OXCT1: variants seen among roughly 807,000 people sequenced by gnomAD.
OXCT1 encodes succinyl-CoA:3-ketoacid coenzyme A transferase 1, mitochondrial.
OXCT1 carries 27 observed loss-of-function variants against 69.6 expected under a neutral mutation model. The observed-to-expected ratio is 0.39, with a 90% CI of 0.29 to 0.54. OXCT1 has a LOEUF of 0.54. OXCT1 is among the 20% of genes least tolerant of loss of function. The probability of loss-of-function intolerance (pLI) is 0.72; values close to 1 mark genes in which losing one functional copy is unlikely to be tolerated. For missense variants in OXCT1, 437 were observed against 650.2 expected (o/e 0.67, Z 3.57); for synonymous variants, 202 against 217.8 (o/e 0.93, Z 0.64).
chr5:41,789,479 C>T (rs1296668205), intron 13 of OXCT1, among the ~76,000 whole-genome samples: 2 of 152,084 alleles, frequency 1.3e-5, no homozygotes, highest in Non-Finnish European at 2.9e-5. Flanking sequence ...AATGAATTAG[C>T]GAATTTAATC....
At chr5:41,734,695 G>A (rs921444376) in intron 16 of OXCT1, among the ~76,000 whole-genome samples, 1 of 152,170 alleles carries the variant, frequency 6.6e-6, no homozygotes, top group Non-Finnish European at 1.5e-5. Flanking sequence ...CCTTAGTTGT[G>A]AAAATGTTGG....
intron 7 of OXCT1, among the ~76,000 whole-genome samples, chr5:41,816,964 T>A (rs1304467707): frequency 1.3e-5 from 2 of 152,164 alleles, no homozygotes; most frequent in African/African-American, 4.8e-5. Context: ...TGAATCTCAT[T>A]ATTTATAGTT....
chr5:41,855,167 T>C (rs549425836), intron 3 of OXCT1, among the ~76,000 whole-genome samples: 1 of 152,318 alleles, frequency 6.6e-6, no homozygotes, highest in South Asian at 2.1e-4. Flanking sequence ...GACACAAGAT[T>C]ATACTCTGAA....
chr5:41,806,208 C>A (rs1746672086), intron 8 of OXCT1, among the ~76,000 whole-genome samples: 2 of 152,062 alleles, frequency 1.3e-5, no homozygotes, highest in Non-Finnish European at 1.5e-5. Flanking sequence ...CTCTTTGACA[C>A]AAACTCTGGC....
At chr5:41,843,624 C>G (rs903080180) in intron 5 of OXCT1, 2 of 455,930 alleles carry the variant, frequency 4.4e-6, no homozygotes, top group African/African-American at 4.0e-5. Flanking sequence ...TTAAAACAAG[C>G]ATCCATTGCC....
intron 7 of OXCT1, among the ~76,000 whole-genome samples, chr5:41,836,398 G>A (rs532672955): frequency 2.8e-4 from 42 of 152,252 alleles, no homozygotes; most frequent in African/African-American, 1.0e-3. Flanking sequence ...CATGCAAATG[G>A]CTGCACATTT....
rs1283253967 is a variant in OXCT1 at position 41,832,218 on chromosome 5, C to G, written c.732+8233G>C. On this transcript the variant is annotated intron_variant, in intron 7 of 16. Coordinates refer to ENST00000196371, the MANE Select transcript of OXCT1 (RefSeq NM_000436.4). ...AGTCAGGTAGTAGTTAACAGCAGGC[C>G]TTGGGCAAAACCCAGTGCTGTGCTG... Among the ~76,000 whole-genome samples the G allele has an allele frequency of 2.0e-5, 3 of 152,288 alleles. No homozygotes were observed. In the East Asian group the frequency reaches 5.8e-4, roughly 29 times the overall value.
intron 13 of OXCT1, among the ~76,000 whole-genome samples, chr5:41,765,519 T>C (rs963962906): frequency 6.6e-6 from 1 of 152,166 alleles, no homozygotes; most frequent in Admixed American, 6.6e-5. Flanking sequence ...CAGAAGCTAG[T>C]ATGACTAATA....
intron 13 of OXCT1, among the ~76,000 whole-genome samples, chr5:41,765,780 G>A (rs566308372): frequency 1.3e-5 from 2 of 152,124 alleles, no homozygotes; most frequent in African/African-American, 4.8e-5. Context: ...AAATGAGTGA[G>A]TGAATGAATG....
rs2112046817 is a variant in OXCT1, at chr5:41,749,543, C to A, written c.1403G>T (p.Arg468Leu). Residue 468 changes from arginine to leucine, a missense_variant, in exon 15 of 17, where the codon CGC becomes CTC. By Grantham distance (102) the Arg-to-Leu change is moderately radical. Around this residue, in one of 4 missense-constraint regions of OXCT1, gnomAD observed 102 missense variants for 162.1 expected, o/e 0.63. Transcript: ENST00000196371. ...LPLTGKQCVN[R>L]IITEKAVFDV... ...ACTTTTTACCTTTTCAGTAATAATG[C>A]GGTTGACACATTGCTTTCCAGTCAA... is the stretch of plus-strand genomic sequence containing the variant. The A allele has an allele frequency of 1.2e-6, 2 of 1,604,456 alleles. No homozygotes were observed. The highest frequency in any genetic ancestry group is 2.2e-5 in the East Asian group (1 of 44,676).
At chr5:41,781,106 T>C (rs1745379594) in intron 13 of OXCT1, among the ~76,000 whole-genome samples, 1 of 152,090 alleles carries the variant, frequency 6.6e-6, no homozygotes, top group Admixed American at 6.5e-5. Flanking sequence ...GGTTTCACCA[T>C]GTTAGCCAGG....
chr5:41,777,285 A>C (rs1745172615), intron 13 of OXCT1, among the ~76,000 whole-genome samples: 1 of 152,170 alleles, frequency 6.6e-6, no homozygotes, highest in African/African-American at 2.4e-5. Flanking sequence ...GCATGGTGGC[A>C]TATGCCTGTA....
At chr5:41,849,091 C>A (rs533215531) in intron 5 of OXCT1, among the ~76,000 whole-genome samples, 2 of 152,118 alleles carry the variant, frequency 1.3e-5, no homozygotes, top group Non-Finnish European at 2.9e-5. Context: ...AGCTTTGAAT[C>A]CACATAGATC....
chr5:41,780,927 G>A (rs539696563), intron 13 of OXCT1, among the ~76,000 whole-genome samples: 10 of 149,174 alleles, frequency 6.7e-5, no homozygotes, highest in South Asian at 6.4e-4. Context: ...TTTTTGAGAC[G>A]GAGTCTCGCT....
intron 7 of OXCT1, among the ~76,000 whole-genome samples, chr5:41,825,563 T>C (rs1298636524): frequency 1.3e-5 from 2 of 152,242 alleles, no homozygotes; most frequent in East Asian, 1.9e-4. Context: ...ATAACTTACA[T>C]TTTGGACCTT....
At chr5:41,849,311 A>C (rs941035749) in intron 5 of OXCT1, among the ~76,000 whole-genome samples, 2 of 152,210 alleles carry the variant, frequency 1.3e-5, no homozygotes. Flanking sequence ...GCATTTCTGC[A>C]ACCTGTGTTA....
chr5:41,748,859 C>T (rs1743633680), intron 15 of OXCT1, among the ~76,000 whole-genome samples: 1 of 152,020 alleles, frequency 6.6e-6, no homozygotes. Flanking sequence ...ACACACCCTC[C>T]CAGCTGACTT....
chr5:41,862,250 G>T (rs1225997251), intron 2 of OXCT1, among the ~76,000 whole-genome samples: 1 of 152,154 alleles, frequency 6.6e-6, no homozygotes, highest in East Asian at 1.9e-4. Context: ...GGCAGTGGGG[G>T]AGGTCAATAC....
chr5:41,840,635 G>T (rs1293591285), intron 6 of OXCT1, 124 bp from the exon 7 acceptor site: 1 of 638,898 alleles, frequency 1.6e-6, no homozygotes, highest in Non-Finnish European at 2.8e-6. Flanking sequence ...TTTCCAAAAA[G>T]AGTGTATCAT....
Sources: gnomAD v4.1 joint callset for allele counts (sites outside exome capture counted in the v4.1 genomes callset) on GRCh38, gnomAD v4.1.1 for gene constraint, gnomAD v4.1.1 regional missense constraint, MANE v1.5 for transcripts, NCBI Gene and HGNC (gene_info 2026-07-23, HGNC 2026-07-21) for gene names.